TTC12: variants seen among roughly 807,000 people sequenced by gnomAD.
The protein encoded by TTC12 is tetratricopeptide repeat domain 12, also known as tetratricopeptide repeat protein 12.
TTC12 carries 70 observed loss-of-function variants against 90.1 expected under a neutral mutation model. That is an observed-to-expected ratio of 0.78 (90% confidence interval 0.64 to 0.95). The LOEUF (loss-of-function observed/expected upper bound fraction) is 0.95, where lower values mean the gene tolerates loss of function less well. TTC12 is among the 40% of genes least tolerant of loss of function. The pLI is 0.00. For missense variants in TTC12, 819 were observed against 846.1 expected, an observed-to-expected ratio of 0.97 and a Z score of 0.40; for synonymous variants, 296 against 311.5, an observed-to-expected ratio of 0.95 and a Z score of 0.53.
chr11:113,361,876 A>C (rs540502959), intron 18 of TTC12, among the ~76,000 whole-genome samples: 1 of 152,280 alleles, frequency 6.6e-6, no homozygotes, highest in East Asian at 1.9e-4. Flanking sequence ...AGAAGAAAAA[A>C]ATAGTAACTA....
intron 6 of TTC12, among the ~76,000 whole-genome samples, chr11:113,328,188 C>G (rs1947810862): frequency 1.3e-5 from 2 of 152,158 alleles, no homozygotes; most frequent in Non-Finnish European, 2.9e-5. Flanking sequence ...CTTGGCTATC[C>G]TTTCGTACAA....
At chr11:113,319,206 C>T (rs1017490081) in intron 2 of TTC12, among the ~76,000 whole-genome samples, 7 of 152,164 alleles carry the variant, frequency 4.6e-5, no homozygotes, top group Admixed American at 3.3e-4. Flanking sequence ...CCAGTCTAAC[C>T]GTGAGAAAAA....
intron 8 of TTC12, among the ~76,000 whole-genome samples, chr11:113,335,713 A>C (rs985203832): frequency 2.6e-5 from 4 of 152,192 alleles, no homozygotes; most frequent in Non-Finnish European, 4.4e-5. Context: ...TTCACTTAGT[A>C]TAATGTTTGC....
In TTC12 at chr11:113,323,298, T is replaced by C; in HGVS notation, c.69T>C (p.Ile23=). Residue 23 remains isoleucine (I), a synonymous_variant, in exon 3 of 22, where the codon ATT becomes ATC. Transcript: ENST00000529221. ...TGATTTCTTCTCTAGCCAATTTAAT[T>C]CAGGAGATGAATTCTGATGACCCAG... is the stretch of plus-strand genomic sequence containing the variant. The part of the protein sequence containing the change: ...LKNVDEISNL[I]QEMNSDDPVV... The C allele has an allele frequency of 6.2e-7, 1 of 1,600,150 alleles. No homozygotes were observed. The highest frequency in any genetic ancestry group is 8.5e-7 in the Non-Finnish European group (1 of 1,175,732).
intron 21 of TTC12, among the ~76,000 whole-genome samples, chr11:113,371,726 T>C (rs2155464): frequency 0.68 from 104,107 of 152,066 alleles, 36,052 homozygotes; most frequent in African/African-American, 0.78. Flanking sequence ...AGGCTCAAAG[T>C]CCTCCTCCAC....
intron 13 of TTC12, among the ~76,000 whole-genome samples, chr11:113,347,539 A>T (rs1362394235): frequency 6.6e-6 from 1 of 152,188 alleles, no homozygotes; most frequent in Non-Finnish European, 1.5e-5. Context: ...GACAGTTCTG[A>T]TTGAGATAAA....
chr11:113,362,273 A>C lies in TTC12; in HGVS notation c.1615-128A>C, dbSNP rs1484063953. On this transcript the variant is annotated intron_variant, in intron 18 of 21. Coordinates refer to ENST00000529221, the MANE Select transcript of TTC12 (RefSeq NM_017868.4). ...GAACAGTGCTTTCTATTATTTGGCC[A>C]TCATATTTTTTATATTTTGCTTCCA... The C allele has an allele frequency of 4.6e-6, 3 of 653,470 alleles. No individual in the cohort carries two copies. The Admixed American group carries it at 8.4e-5, about 18-fold the overall frequency. 40.5% of individuals were successfully genotyped at this position (653,470 alleles called of 1,614,324 possible).
At chr11:113,340,482 G>A (rs1555145627) in intron 10 of TTC12, among the ~76,000 whole-genome samples, 182 bp from the exon 11 acceptor site, 1 of 152,212 alleles carries the variant, frequency 6.6e-6, no homozygotes, top group African/African-American at 2.4e-5. Flanking sequence ...GGCCTCTGAC[G>A]CTGAGAGGCT....
chr11:113,367,981 GT>G (rs1212068078), downstream of TTC12, among the ~76,000 whole-genome samples: 1 of 152,224 alleles, frequency 6.6e-6, no homozygotes, highest in East Asian at 1.9e-4. Flanking sequence ...AAAAGTTGCT[GT>G]TTTCACAGAA....
intron 2 of TTC12, among the ~76,000 whole-genome samples, chr11:113,319,065 A>G (rs1411603791): frequency 6.6e-6 from 1 of 152,180 alleles, no homozygotes; most frequent in African/African-American, 2.4e-5. Context: ...AAGTAACTTT[A>G]CAGTGGAAAA....
At chr11:113,344,590 C>T in intron 13 of TTC12, 150 bp downstream of exon 13, 1 of 807,908 alleles carries the variant, frequency 1.2e-6, no homozygotes, top group Admixed American at 3.1e-5. Context: ...GTCATGAGGA[C>T]CTCTGGGACA....
Position 113,324,638 on chromosome 11 carries a change from A to T in TTC12, c.278A>T (p.Lys93Met). Residue 93 changes from lysine (K) to methionine (M), a missense_variant, in exon 5 of 22, where the codon AAG becomes ATG. Lys to Met is a moderately conservative substitution (Grantham distance 95). Coordinates refer to ENST00000529221, the MANE Select transcript of TTC12 (RefSeq NM_017868.4). ...AFLASVEKDA[K>M]ERAKRRRENK... Reference sequence around the variant, plus strand: ...TTGGCATCTGTGGAGAAGGATGCAAAGGAACGAGCCAAGAGAAGAAGGGAA... The same window carrying T: ...TTGGCATCTGTGGAGAAGGATGCAATGGAACGAGCCAAGAGAAGAAGGGAA... 6.2e-7 allele frequency: 1 copy of T among 1,614,062 alleles called. No homozygotes were observed. The highest frequency in any genetic ancestry group is 8.5e-7 in the Non-Finnish European group (1 of 1,179,968).
At chr11:113,341,988 G>A in intron 12 of TTC12, 63 bp downstream of exon 12, 1 of 1,417,204 alleles carries the variant, frequency 7.1e-7, no homozygotes, top group Non-Finnish European at 1.0e-6. Context: ...TACGCTGTTG[G>A]GTGGACTGTC....
chr11:113,358,010 G>A (rs556151431), intron 16 of TTC12, among the ~76,000 whole-genome samples: 2 of 152,224 alleles, frequency 1.3e-5, no homozygotes, highest in Middle Eastern at 3.2e-3. Flanking sequence ...CAACGCAGCT[G>A]GGGGAGAGGG....
At chr11:113,317,475 G>A (rs7927508) in intron 2 of TTC12, among the ~76,000 whole-genome samples, 92,562 of 151,464 alleles carry the variant, frequency 0.61, 28,550 homozygotes, top group Non-Finnish European at 0.63. Context: ...ATCCTCTCCA[G>A]CCCTCCCTTT....
Position 113,350,118 on chromosome 11 carries a change from G to A in TTC12, c.1200G>A (p.Glu400=). The part of the protein sequence containing the change: ...LVSFLDFSDK[E]ANTAMGLFTD... ...CATTTCTTGATTTCTCGGATAAGGA[G>A]GCCAACACTGCTATGGGACTGTTCA... is the stretch of plus-strand genomic sequence containing the variant. Residue 400 remains glutamate (E), a synonymous_variant, in exon 14 of 22, where the codon GAG becomes GAA. Transcript: ENST00000529221. 1 of 1,613,982 alleles carries A rather than the reference G, an allele frequency of 6.2e-7. No individual in the cohort carries two copies. Among genetic ancestry groups the A allele is most frequent in the Non-Finnish European group, 8.5e-7 (1 of 1,179,896 alleles).
At chr11:113,315,670 C>A (rs1946891641) in intron 1 of TTC12, among the ~76,000 whole-genome samples, 1 of 152,178 alleles carries the variant, frequency 6.6e-6, no homozygotes, top group African/African-American at 2.4e-5. Flanking sequence ...AAAATAATAT[C>A]TGAGGTACCT....
intron 13 of TTC12, among the ~76,000 whole-genome samples, chr11:113,344,741 C>T (rs1281314352): frequency 6.6e-6 from 1 of 152,214 alleles, no homozygotes; most frequent in East Asian, 1.9e-4. Context: ...ACTTGCTTCT[C>T]CGTCTTTGGC....
chr11:113,349,731 A>G (rs2138030540), intron 13 of TTC12, among the ~76,000 whole-genome samples: 1 of 152,346 alleles, frequency 6.6e-6, no homozygotes, highest in East Asian at 1.9e-4. Context: ...ATTAGTAAGC[A>G]TGCCATTTAG....
Sources: gnomAD v4.1 joint callset for allele counts (sites outside exome capture counted in the v4.1 genomes callset) on GRCh38, gnomAD v4.1.1 for gene constraint, MANE v1.5 for transcripts, NCBI Gene and HGNC (gene_info 2026-07-23, HGNC 2026-07-21) for gene names.